Variants in COL4A6 observed in about 807,000 individuals in gnomAD.
The protein encoded by COL4A6 is collagen alpha-6(IV) chain.
A neutral mutation model predicts 126.7 loss-of-function variants in COL4A6; 59 were observed. The observed-to-expected ratio is 0.47, with a 90% CI of 0.38 to 0.58. The LOEUF (loss-of-function observed/expected upper bound fraction) is 0.58. COL4A6 is among the 20% of genes least tolerant of loss of function. The pLI is 0.00. For synonymous variants in COL4A6, 547 were observed against 496.6 expected (o/e 1.10, Z -1.35); for missense variants, 1,285 against 1,337.3 (o/e 0.96, Z 0.61).
chrX:108,424,271 T>A (rs1396335636), intron 2 of COL4A6, among the ~76,000 whole-genome samples: 2 of 111,696 alleles, frequency 1.8e-5, no homozygotes, highest in Non-Finnish European at 3.8e-5. Flanking sequence ...AGCACTCTGA[T>A]TCCTCCTACA....
At chrX:108,225,225 G>A (rs767011716) in intron 3 of COL4A6, among the ~76,000 whole-genome samples, 1 of 111,944 alleles carries the variant, frequency 8.9e-6, no homozygotes, top group South Asian at 3.8e-4. Context: ...CCCTGGGCCC[G>A]CCCCTGGGAC....
rs760573453 is a variant in COL4A6 at position 108,180,260 on chromosome X, A to T, written c.2131+255T>A. Among the ~76,000 whole-genome samples, 70 of 111,515 alleles carry T rather than the reference A, an allele frequency of 6.3e-4. 1 individual carries two copies. The highest frequency in any genetic ancestry group is 2.3e-4 in the Non-Finnish European group (12 of 53,055). ...ACAAGTCATTTCCCATCTGGGCCTC[A>T]GTTTCCTCATCTGAAAGTTAAGGGG... On this transcript the variant is annotated intron_variant, in intron 25 of 44. Coordinates refer to ENST00000334504, the MANE Select transcript of COL4A6 (RefSeq NM_033641.4).
In COL4A6 at chrX:108,165,451, C is replaced by T. The variant is rs1418682735; in HGVS notation, c.3727G>A (p.Gly1243Ser). The T allele has an allele frequency of 1.5e-5, 18 of 1,198,591 alleles. No homozygotes were observed. Among genetic ancestry groups the T allele is most frequent in the Non-Finnish European group, 1.7e-5 (15 of 890,352 alleles). ...GAGGGCAAGGAGATGCCTGGGGCAC[C>T]GGGGAGACCAGCAGGGCCCTGGAGA... is the stretch of plus-strand genomic sequence containing the variant. ...PGLQGPAGLPGAPGISLPSLI... is the reference protein window; with the variant it reads ...PGLQGPAGLPSAPGISLPSLI... The change falls in exon 38 of 45, where the codon GGT (glycine) becomes AGT (serine). Residue 1243 changes from glycine to serine, a missense_variant. Transcript: ENST00000334504.
chrX:108,374,571 A>G (rs542430857), intron 2 of COL4A6, among the ~76,000 whole-genome samples: 1 of 112,194 alleles, frequency 8.9e-6, no homozygotes, highest in South Asian at 3.7e-4. Flanking sequence ...GAAGGTTCTC[A>G]GGAGTGAGTA....
chrX:108,425,256 A>G (rs1192564126), intron 2 of COL4A6, among the ~76,000 whole-genome samples: 2 of 108,165 alleles, frequency 1.8e-5, no homozygotes, highest in East Asian at 5.9e-4. Context: ...GAGGAGAGAG[A>G]CAAAGAGAGC....
At chrX:108,321,317 G>T (rs765939088) in intron 2 of COL4A6, among the ~76,000 whole-genome samples, 1 of 111,381 alleles carries the variant, frequency 9.0e-6, no homozygotes, top group South Asian at 3.8e-4. Flanking sequence ...CTTCAACTGT[G>T]TGACTCTTGT....
At chrX:108,401,960 C>A (rs767194621) in intron 2 of COL4A6, among the ~76,000 whole-genome samples, 1 of 111,406 alleles carries the variant, frequency 9.0e-6, no homozygotes, top group South Asian at 3.7e-4. Context: ...TGAGATTAAC[C>A]CAACATGTCA....
At position 108,418,705 on chromosome X, in the gene COL4A6, A is replaced by C. The variant is rs761784318; in HGVS notation, c.63+19237T>G. On this transcript the variant is annotated intron_variant, in intron 2 of 44. Transcript: ENST00000334504. ...TAGTGTCAGAAGAGTAATAAAGATC[A>C]CCTGATGCCAGAGGACAAACTATTA... Among the ~76,000 whole-genome samples the C allele has an allele frequency of 1.1e-4, 12 of 112,449 alleles. No individual in the cohort carries two copies. In the South Asian group the frequency reaches 4.4e-3, roughly 41 times the overall value.
intron 2 of COL4A6, among the ~76,000 whole-genome samples, chrX:108,393,995 G>T (rs2040898589): frequency 2.7e-5 from 3 of 111,823 alleles, no homozygotes; most frequent in Non-Finnish European, 3.8e-5. Context: ...TGGCGGCACT[G>T]TTCACAATAG....
In COL4A6 at chrX:108,179,284, T is replaced by C. The variant is rs1380632266; in HGVS notation, c.2286A>G (p.Glu762=). Residue 762 remains glutamate, a synonymous_variant, in exon 26 of 45, where the codon GAA becomes GAG. Transcript: ENST00000334504. ...IFGAENGAPG[E]QGLQGLTGHK... The stretch of plus-strand genomic sequence containing the variant: ...GCCCTGTTAATCCTTGTAGGCCTTG[T>C]TCCCCCGGAGCACCATTTTCAGCAC... 2 of 1,209,521 alleles carry C rather than the reference T, an allele frequency of 1.7e-6. No homozygotes were observed. The highest frequency in any genetic ancestry group is 3.5e-5 in the African/African-American group (2 of 56,964).
chrX:108,368,715 A>G (rs1486726483), intron 2 of COL4A6, among the ~76,000 whole-genome samples: 5 of 112,077 alleles, frequency 4.5e-5, no homozygotes, highest in African/African-American at 1.6e-4. Flanking sequence ...ATATTATTCT[A>G]TAAGTTTTTT....
intron 23 of COL4A6, among the ~76,000 whole-genome samples, chrX:108,183,380 C>G (rs1469913222): frequency 8.9e-6 from 1 of 111,885 alleles, no homozygotes; most frequent in South Asian, 3.8e-4. Flanking sequence ...TTTCAGGTAC[C>G]TCTCAAGGCA....
chrX:108,325,204 T>C (rs975485643), intron 2 of COL4A6, among the ~76,000 whole-genome samples: 8 of 112,358 alleles, frequency 7.1e-5, no homozygotes, highest in Non-Finnish European at 1.3e-4. Flanking sequence ...TTTAAACTTT[T>C]TGGGCTTAAT....
intron 2 of COL4A6, among the ~76,000 whole-genome samples, chrX:108,344,444 G>A (rs1050830819): frequency 2.7e-5 from 3 of 111,298 alleles, no homozygotes; most frequent in African/African-American, 9.8e-5. Flanking sequence ...GAATCTCAGA[G>A]TTTTCAGAAA....
At chrX:108,426,953 A>C (rs2064097114) in intron 2 of COL4A6, among the ~76,000 whole-genome samples, 1 of 112,055 alleles carries the variant, frequency 8.9e-6, no homozygotes, top group South Asian at 3.7e-4. Flanking sequence ...AACCCCCAAA[A>C]GGCTTGAGAA....
chrX:108,438,840 G>C (rs1244467935), upstream of COL4A6, among the ~76,000 whole-genome samples: 6 of 112,364 alleles, frequency 5.3e-5, no homozygotes, highest in African/African-American at 1.9e-4. Context: ...GTGGGCCCTC[G>C]TGAAATAGAT....
intron 3 of COL4A6, among the ~76,000 whole-genome samples, chrX:108,276,112 A>G (rs1307814041): frequency 8.8e-6 from 1 of 113,107 alleles, no homozygotes; most frequent in African/African-American, 3.2e-5. Context: ...AAGAAAAACA[A>G]CCATCCCTTA....
chrX:108,181,925 C>A (rs2034698481), intron 23 of COL4A6, among the ~76,000 whole-genome samples: 1 of 112,417 alleles, frequency 8.9e-6, no homozygotes, highest in South Asian at 3.7e-4. Flanking sequence ...TAATAAACAT[C>A]TATAGCTTTT....
intron 3 of COL4A6, among the ~76,000 whole-genome samples, chrX:108,285,434 G>A (rs2037980170): frequency 8.9e-6 from 1 of 112,121 alleles, no homozygotes; most frequent in Admixed American, 9.5e-5. Flanking sequence ...GTGATTACAG[G>A]ATGAGAAAGC....
Sources: gnomAD v4.1 joint callset for allele counts (sites outside exome capture counted in the v4.1 genomes callset) on GRCh38, gnomAD v4.1.1 for gene constraint, MANE v1.5 for transcripts, NCBI Gene and HGNC (gene_info 2026-07-23, HGNC 2026-07-21) for gene names.